The following DYNC2H1 variants were observed in gnomAD, a reference collection of about 807,000 sequenced individuals.
The protein encoded by DYNC2H1 is dynein cytoplasmic 2 heavy chain 1, also known as cytoplasmic dynein 2 heavy chain 1.
DYNC2H1 carries 410 observed loss-of-function variants against 570.0 expected under a neutral mutation model. The ratio of observed to expected loss-of-function variants is 0.72; its 90% CI spans 0.66 to 0.78. DYNC2H1 has a LOEUF of 0.78. Ranked by LOEUF, DYNC2H1 falls within the 30% of genes least tolerant of loss-of-function variation. DYNC2H1 has a pLI of 0.00. For missense variants in DYNC2H1, 4,865 were observed against 5,046.4 expected (o/e 0.96, Z 1.09); for synonymous variants, 1,688 against 1,677.6 (o/e 1.01, Z -0.15).
intron 73 of DYNC2H1, among the ~76,000 whole-genome samples, chr11:103,285,419 CTTTTCTTTTT>C (rs1348456711): frequency 1.1e-5 from 1 of 90,126 alleles, no homozygotes; most frequent in Non-Finnish European, 2.5e-5. Context: ...TTCTTTTTTT[CTTTTCTTTTT>C]TTTTTTTTTT....
Position 103,303,223 on chromosome 11 carries a change from T to C in DYNC2H1, c.11226T>C (p.Asn3742=). Residue 3742 remains asparagine, a synonymous_variant, in exon 76 of 89, where the codon AAT becomes AAC. Coordinates refer to ENST00000375735, the MANE Select transcript of DYNC2H1 (RefSeq NM_001377.3). ...CTCAGGAACTTCAAGAACTAGCTAA[T>C]GCTGAAAGAAGCGGAGAGTGTTATC... ...DPSQELQELA[N]AERSGECYHQ... is the part of the protein sequence containing the mutation. The C allele has an allele frequency of 6.2e-7, 1 of 1,612,640 alleles. No homozygotes were observed. Among genetic ancestry groups the C allele is most frequent in the South Asian group, 1.1e-5 (1 of 90,968 alleles).
chr11:103,264,485 C>T lies in DYNC2H1; in HGVS notation c.10695+4508C>T, dbSNP rs1865433826. 6.6e-6 allele frequency among the ~76,000 whole-genome samples: 1 copy of T among 152,168 alleles called. No homozygotes were observed. Among genetic ancestry groups the T allele is most frequent in the African/African-American group, 2.4e-5 (1 of 41,442 alleles). ...AATATTGGCAAACCGAATCCAGCAG[C>T]ACATCAAAAAGCTTATCCACCACAA... On this transcript the variant is annotated intron_variant, in intron 70 of 88. Coordinates refer to ENST00000375735, the MANE Select transcript of DYNC2H1 (RefSeq NM_001377.3). This position sits in a 1 kb window ranked among gnomAD's most constrained non-coding sequence, Gnocchi z 4.8.
At position 103,158,552 on chromosome 11, in the gene DYNC2H1, T is replaced by G. The variant is rs527809947; in HGVS notation, c.4128-125T>G. The G allele has an allele frequency of 4.8e-4, 317 of 664,978 alleles. 3 individuals are homozygous for G. In the East Asian group the frequency reaches 9.6e-3, roughly 20 times the overall value. 41.2% of individuals were successfully genotyped at this position (664,978 alleles called of 1,614,324 possible). On this transcript the variant is annotated intron_variant, in intron 26 of 88. Coordinates refer to ENST00000375735, the MANE Select transcript of DYNC2H1 (RefSeq NM_001377.3). ...TATTAATATTTAACATTCCTAGAGG[T>G]GTAATACTGTTATAATAGTGTTACC...
intron 83 of DYNC2H1, among the ~76,000 whole-genome samples, chr11:103,374,349 C>T (rs1480092705): frequency 6.6e-6 from 1 of 152,156 alleles, no homozygotes; most frequent in Non-Finnish European, 1.5e-5. Flanking sequence ...CTTATTCTCT[C>T]CCTTTCCTTT....
intron 18 of DYNC2H1, among the ~76,000 whole-genome samples, chr11:103,143,837 G>A (rs551513339): frequency 6.6e-6 from 1 of 152,092 alleles, no homozygotes; most frequent in Non-Finnish European, 1.5e-5. Flanking sequence ...GTGGACAAAA[G>A]CCTCTGAGGG....
At chr11:103,306,684 C>A (rs991836690) in intron 77 of DYNC2H1, among the ~76,000 whole-genome samples, 1 of 152,080 alleles carries the variant, frequency 6.6e-6, no homozygotes, top group Non-Finnish European at 1.5e-5. Context: ...CTTAACTCTA[C>A]ATTTCACGTG....
At chr11:103,303,604 T>C (rs1190274389) in intron 76 of DYNC2H1, among the ~76,000 whole-genome samples, 3 of 152,020 alleles carry the variant, frequency 2.0e-5, no homozygotes, top group African/African-American at 7.2e-5. Flanking sequence ...CTACTGGCTT[T>C]GAAGATGGAG....
intron 85 of DYNC2H1, among the ~76,000 whole-genome samples, chr11:103,444,384 T>G (rs2135776358): frequency 6.6e-6 from 1 of 152,174 alleles, no homozygotes; most frequent in Non-Finnish European, 1.5e-5. Context: ...CTAAATGTCA[T>G]GCCTTGTTGA....
At chr11:103,310,743 G>A (rs79771284) in intron 78 of DYNC2H1, among the ~76,000 whole-genome samples, 14,572 of 139,472 alleles carry the variant, frequency 0.1, 1,247 homozygotes, top group East Asian at 0.24. Flanking sequence ...GAACAGTGGT[G>A]TAATCTTTGT....
In DYNC2H1 at chr11:103,121,042, A is replaced by C. The variant is rs375530545; in HGVS notation, c.1360+6A>C. Reference sequence around the variant, plus strand: ...ACTTGTGGACTCAATTAAAGGTAAAAGTTTATGAGATTATAGTGTTTGCTT... The same window carrying C: ...ACTTGTGGACTCAATTAAAGGTAAACGTTTATGAGATTATAGTGTTTGCTT... On this transcript the variant is annotated splice_donor_region_variant and intron_variant, in intron 9 of 88. Coordinates refer to ENST00000375735, the MANE Select transcript of DYNC2H1 (RefSeq NM_001377.3). 6.7e-7 allele frequency: 1 copy of C among 1,503,092 alleles called. No individual in the cohort carries two copies. The allele number at this position is 1,503,092 out of a possible 1,614,324, so 93.1% of individuals were successfully genotyped here. A position where few individuals can be genotyped will look rare whatever the true frequency, so the allele number is the denominator to read the frequency against.
rs141766565 is a variant in DYNC2H1 at position 103,392,047 on chromosome 11, C to T, written c.12157-7616C>T. Among the ~76,000 whole-genome samples the T allele has an allele frequency of 6.3e-3, 958 of 152,226 alleles. 11 individuals are homozygous for T. Among genetic ancestry groups the T allele is most frequent in the East Asian group, 0.034 (177 of 5,166 alleles). ...GCTGTCAGACAGGGACATTTAAGTCCGCAGAGGACATTTCTGCTGCCTTTT... is the reference window on the plus strand; with the variant it reads ...GCTGTCAGACAGGGACATTTAAGTCTGCAGAGGACATTTCTGCTGCCTTTT... On this transcript the variant is annotated intron_variant, in intron 83 of 88. Transcript: ENST00000375735.
chr11:103,120,336 T>G, intron 6 of DYNC2H1, 111 bp from the exon 7 acceptor site: 1 of 1,080,226 alleles, frequency 9.3e-7, no homozygotes, highest in Non-Finnish European at 1.3e-6. Context: ...TTTTTCTTTT[T>G]TTAGTAAACC....
At position 103,289,568 on chromosome 11, in the gene DYNC2H1, C is replaced by G. The variant is rs11225658; in HGVS notation, c.11095+1963C>G. 0.035 allele frequency among the ~76,000 whole-genome samples: 5,265 copies of G among 152,104 alleles called. 318 individuals are homozygous for G. Among genetic ancestry groups the G allele is most frequent in the African/African-American group, 0.12 (4,976 of 41,464 alleles). ...TTGAGCCCAGTAGTTTGAGACCAGC[C>G]TGGGCAGCATAGTGAGACCTTGTCT... On this transcript the variant is annotated intron_variant, in intron 75 of 88. Coordinates refer to ENST00000375735, the MANE Select transcript of DYNC2H1 (RefSeq NM_001377.3). The surrounding 1 kb of genome is among the most constrained non-coding windows in gnomAD (Gnocchi z 4.2).
Position 103,261,801 on chromosome 11 carries a change from G to T in DYNC2H1, c.10695+1824G>T, listed in dbSNP as rs1284463861. ...CCAGAATGCCTCTTTTTCTCCAAAG[G>T]ATCACAACTCCTTGCCAGCAAGGGA... On this transcript the variant is annotated intron_variant, in intron 70 of 88. Coordinates refer to ENST00000375735, the MANE Select transcript of DYNC2H1 (RefSeq NM_001377.3). This position sits in a 1 kb window ranked among gnomAD's most constrained non-coding sequence, Gnocchi z 4.8. Among the ~76,000 whole-genome samples the T allele has an allele frequency of 2.0e-5, 3 of 152,134 alleles. No homozygotes were observed. Among genetic ancestry groups the T allele is most frequent in the Non-Finnish European group, 4.4e-5 (3 of 68,042 alleles).
chr11:103,110,618 A>T (rs1000942428), intron 1 of DYNC2H1, among the ~76,000 whole-genome samples: 4 of 152,176 alleles, frequency 2.6e-5, no homozygotes, highest in Non-Finnish European at 5.9e-5. Flanking sequence ...TTGCTTAAAA[A>T]ATGGGTTGCA....
chr11:103,447,848 G>T (rs993252485), intron 85 of DYNC2H1, among the ~76,000 whole-genome samples: 9 of 152,002 alleles, frequency 5.9e-5, no homozygotes, highest in Non-Finnish European at 8.8e-5. Flanking sequence ...GAGTTTTGGG[G>T]TTTTTTAATG....
intron 84 of DYNC2H1, among the ~76,000 whole-genome samples, chr11:103,424,631 A>G (rs1365487671): frequency 6.6e-6 from 1 of 151,714 alleles, no homozygotes; most frequent in East Asian, 1.9e-4. Flanking sequence ...AAATTCAAAC[A>G]ATGACTATTT....
chr11:103,259,456 G>A (rs1270712731), intron 69 of DYNC2H1, among the ~76,000 whole-genome samples: 1 of 152,102 alleles, frequency 6.6e-6, no homozygotes, highest in African/African-American at 2.4e-5. Context: ...TCATCCTGCA[G>A]CACATGATTT....
rs191426183 is a variant in DYNC2H1 at position 103,136,374 on chromosome 11, C to G, written c.2574+426C>G. Reference sequence around the variant, plus strand: ...ATATCTCCTAATACTATCCCTCCCCCCTCCCGCCACCCGACAACAGTCCCC... The same window carrying G: ...ATATCTCCTAATACTATCCCTCCCCGCTCCCGCCACCCGACAACAGTCCCC... On this transcript the variant is annotated intron_variant, in intron 17 of 88. Coordinates refer to ENST00000375735, the MANE Select transcript of DYNC2H1 (RefSeq NM_001377.3). Among the ~76,000 whole-genome samples, 768 of 150,830 alleles carry G rather than the reference C, an allele frequency of 5.1e-3. 6 individuals carry two copies. Among genetic ancestry groups the G allele is most frequent in the Middle Eastern group, 0.01 (3 of 294 alleles).
Sources: allele counts gnomAD v4.1 joint callset (sites outside exome capture counted in the v4.1 genomes callset), GRCh38; gene constraint gnomAD v4.1.1; non-coding constraint Gnocchi (gnomAD v3.1); transcripts MANE v1.5; gene names NCBI Gene and HGNC (gene_info 2026-07-23, HGNC 2026-07-21).